The following DLG5 variants were observed in gnomAD, a reference collection of about 807,000 sequenced individuals.
DLG5 encodes disks large homolog 5.
Under a neutral mutation model 189.8 loss-of-function variants are expected in DLG5, and 48 were observed. The ratio of observed to expected loss-of-function variants is 0.25; its 90% CI spans 0.20 to 0.32. The LOEUF (loss-of-function observed/expected upper bound fraction) is 0.32. Ranked by LOEUF, DLG5 falls within the 10% of genes least tolerant of loss-of-function variation. DLG5 has a pLI of 1.00. For missense variants in DLG5, 2,160 were observed against 2,544.7 expected, an observed-to-expected ratio of 0.85 and a Z score of 3.25; for synonymous variants, 1,016 against 1,054.1, an observed-to-expected ratio of 0.96 and a Z score of 0.70.
At chr10:77,894,329 A>C (rs1845695856) in intron 1 of DLG5, among the ~76,000 whole-genome samples, 2 of 152,092 alleles carry the variant, frequency 1.3e-5, no homozygotes, top group South Asian at 2.1e-4. Flanking sequence ...CTTGCCCCTA[A>C]AACAGGGGTA....
chr10:77,819,112 C>T (rs781145186), intron 17 of DLG5, among the ~76,000 whole-genome samples: 22 of 152,220 alleles, frequency 1.4e-4, no homozygotes, highest in Non-Finnish European at 2.8e-4. Flanking sequence ...CTATCACTAT[C>T]GTGTCCTTCC....
At chr10:77,847,900 T>C (rs1843773448) in intron 5 of DLG5, among the ~76,000 whole-genome samples, 1 of 151,650 alleles carries the variant, frequency 6.6e-6, no homozygotes, top group Non-Finnish European at 1.5e-5. Context: ...GAGATGGGGG[T>C]CTCACTATGT....
rs186415462 is a variant in DLG5 at position 77,893,515 on chromosome 10, C to T, written c.305-24318G>A. On this transcript the variant is annotated intron_variant, in intron 1 of 31. Transcript: ENST00000372391. ...CTGCCAGGCCAAGGGGTTGGGGGCA[C>T]GGCAAAGGGCTCCAGGAGTCCCTGC... Among the ~76,000 whole-genome samples the T allele has an allele frequency of 2.7e-3, 409 of 152,314 alleles. 5 individuals carry two copies. The highest frequency in any genetic ancestry group is 9.5e-3 in the African/African-American group (395 of 41,562).
chr10:77,847,677 C>T (rs965539767), intron 5 of DLG5, among the ~76,000 whole-genome samples: 1 of 152,202 alleles, frequency 6.6e-6, no homozygotes, highest in South Asian at 2.1e-4. Flanking sequence ...CACACACACA[C>T]ACACACCTAA....
chr10:77,838,030 T>C (rs2154576181), intron 7 of DLG5, among the ~76,000 whole-genome samples: 1 of 152,302 alleles, frequency 6.6e-6, no homozygotes, highest in South Asian at 2.1e-4. Context: ...GGCACCTCCC[T>C]CTGCTTCCTG....
Position 77,821,220 on chromosome 10 carries a change from C to G in DLG5, c.3264G>C (p.Leu1088=), listed in dbSNP as rs775584026. ...YPEGDGDSSH[L]PAKKSCDEDL... The stretch of plus-strand genomic sequence containing the variant: ...CCTCATCACAGGATTTCTTGGCCGG[C>G]AGGTGGGAGGAGTCCCCATCTCCTT... Residue 1088 remains leucine, a synonymous_variant, in exon 15 of 32, where the codon CTG becomes CTC. Transcript: ENST00000372391. The G allele has an allele frequency of 8.1e-6, 13 of 1,614,036 alleles. No homozygotes were observed. The highest frequency in any genetic ancestry group is 1.1e-5 in the Non-Finnish European group (13 of 1,180,046).
In DLG5 at chr10:77,794,853, T is replaced by C; in HGVS notation, c.5542A>G (p.Ile1848Val). Residue 1848 changes from isoleucine to valine, a missense_variant, in exon 30 of 32, where the codon ATC becomes GTC. Ile to Val is a conservative substitution (Grantham distance 29, BLOSUM62 3). Coordinates refer to ENST00000372391, the MANE Select transcript of DLG5 (RefSeq NM_004747.4). ...IFIHYKSAKH[I>V]KEQRDPIYLR... ...CCCAGGGGGCCAGTTACCTACTTGA[T>C]GTGCTTGGCGCTCTTGTAGTGGATG... 1 of 1,613,864 alleles carries C rather than the reference T, an allele frequency of 6.2e-7. No homozygotes were observed. The highest frequency in any genetic ancestry group is 8.5e-7 in the Non-Finnish European group (1 of 1,179,846).
At chr10:77,843,895 T>C (rs75153517) in intron 5 of DLG5, among the ~76,000 whole-genome samples, 189 bp from the exon 6 acceptor site, 2,195 of 152,216 alleles carry the variant, frequency 0.014, 33 homozygotes, top group Non-Finnish European at 0.02. Context: ...GGCTGATTCA[T>C]TTAGATTCAC....
rs762111903 is a variant in DLG5 at position 77,822,116 on chromosome 10, C to T, written c.2383-15G>A. ...TGAGGGAATACCTAGGCAGGGATTG[C>T]AGAGGAGTGAGAGAGAGAGTGAGAT... is the stretch of plus-strand genomic sequence containing the variant. On this transcript the variant is annotated splice_polypyrimidine_tract_variant and intron_variant, in intron 14 of 31. Transcript: ENST00000372391. 6.2e-7 allele frequency: 1 copy of T among 1,601,372 alleles called. No homozygotes were observed. The highest frequency in any genetic ancestry group is 1.7e-5 in the Admixed American group (1 of 59,028).
At chr10:77,868,167 T>C (rs1421164067) in intron 2 of DLG5, 1 of 448,062 alleles carries the variant, frequency 2.2e-6, no homozygotes, top group East Asian at 7.0e-5. Flanking sequence ...GTAAGCCACC[T>C]GGTCTGCGGC....
rs915670929 is a variant in DLG5 at position 77,869,026 on chromosome 10, C to G, written c.373+103G>C. The G allele has an allele frequency of 5.5e-6, 5 of 908,978 alleles. No homozygotes were observed. In the Admixed American group the frequency reaches 1.1e-4, roughly 20 times the overall value. 56.3% of individuals were successfully genotyped at this position (908,978 alleles called of 1,614,324 possible). ...ACGGAAGGATGATCCTGTGAGTAAT[C>G]TGACAAGGGAGAACCAGCTTCCTCT... On this transcript the variant is annotated intron_variant, in intron 2 of 31. Coordinates refer to ENST00000372391, the MANE Select transcript of DLG5 (RefSeq NM_004747.4).
At chr10:77,929,281 A>G (rs1018366149), upstream of DLG5, 1 of 152,066 alleles carries the variant, frequency 6.6e-6, no homozygotes, top group African/African-American at 2.4e-5. Context: ...GGCTCAAGTT[A>G]TCCTCCCGCC....
rs752517139 is a variant in DLG5 at position 77,843,487 on chromosome 10, C to T, written c.1084G>A (p.Ala362Thr). ...GCGCACTGGTGCTGCAGCTGGATGG[C>T]CGTGTCCCTCTGCTGGGTCAGCATC... Reference protein sequence around the residue: ...TEMLTQQRDTAIQLQHQCALS... With the variant: ...TEMLTQQRDTTIQLQHQCALS... Residue 362 changes from alanine (A) to threonine (T), a missense_variant, in exon 6 of 32, where the codon GCC (alanine) becomes ACC (threonine). Ala to Thr is a moderately conservative substitution (Grantham distance 58). Coordinates refer to ENST00000372391, the MANE Select transcript of DLG5 (RefSeq NM_004747.4). 5.0e-6 allele frequency: 8 copies of T among 1,614,122 alleles called. No individual in the cohort carries two copies. The highest frequency in any genetic ancestry group is 6.8e-6 in the Non-Finnish European group (8 of 1,180,050).
rs1840711222 is a variant in DLG5 at position 77,792,949 on chromosome 10, C to T, written c.5657-406G>A. 4 of 239,670 alleles carry T rather than the reference C, an allele frequency of 1.7e-5. No individual in the cohort carries two copies. The South Asian group carries it at 2.4e-4, about 15-fold the overall frequency. The allele number at this position is 239,670 out of a possible 1,614,324, so 14.8% of individuals were successfully genotyped here. A position where few individuals can be genotyped will look rare whatever the true frequency, so the allele number is the denominator to read the frequency against. ...AGAAAGATGATGGCGCCAACTTGGG[C>T]CAGCCCTGTACTATAGGAGTTTGAC... On this transcript the variant is annotated intron_variant, in intron 31 of 31. Coordinates refer to ENST00000372391, the MANE Select transcript of DLG5 (RefSeq NM_004747.4).
rs34954112 is a variant in DLG5 at position 77,926,038 on chromosome 10, G to C, written c.304+179C>G. The stretch of plus-strand genomic sequence containing the variant: ...ATTGTTCACAGCGAACGGCGGGACT[G>C]GGGGAGGCGGCGGGACTTCGGGATC... On this transcript the variant is annotated intron_variant, in intron 1 of 31. Coordinates refer to ENST00000372391, the MANE Select transcript of DLG5 (RefSeq NM_004747.4). This position sits in a 1 kb window ranked among gnomAD's most constrained non-coding sequence, Gnocchi z 5.2. Among the ~76,000 whole-genome samples the C allele has an allele frequency of 1.8e-4, 28 of 152,084 alleles. No homozygotes were observed. The highest frequency in any genetic ancestry group is 1.5e-4 in the Non-Finnish European group (10 of 67,954).
intron 5 of DLG5, among the ~76,000 whole-genome samples, chr10:77,850,847 T>C (rs1272013): frequency 0.75 from 114,076 of 152,258 alleles, 43,854 homozygotes; most frequent in African/African-American, 0.93. Context: ...GCCAACCTCG[T>C]GCTTTCTAGC....
At chr10:77,824,572 T>C (rs577678389) in intron 13 of DLG5, 96 bp from the exon 14 acceptor site, 7 of 963,392 alleles carry the variant, frequency 7.3e-6, no homozygotes, top group Non-Finnish European at 1.1e-5. Context: ...TGCTAGACAG[T>C]CACCAAATGC....
chr10:77,821,804 A>C lies in DLG5; in HGVS notation c.2680T>G (p.Ser894Ala), dbSNP rs1236417539. The C allele has an allele frequency of 6.2e-7, 1 of 1,612,570 alleles. No individual in the cohort carries two copies. Among genetic ancestry groups the C allele is most frequent in the Admixed American group, 1.7e-5 (1 of 59,662 alleles). ...TCCCCAGAGGCATCTGAGCGGAAGG[A>C]GCTCAGGCTACGCTCAGAGGCACTG... Reference protein sequence around the residue: ...CPSASERSLSSFRSDASGDRG... With the variant: ...CPSASERSLSAFRSDASGDRG... Residue 894 changes from serine (S) to alanine (A), a missense_variant, in exon 15 of 32, where the codon TCC (serine) becomes GCC (alanine). By Grantham distance (99) the Ser-to-Ala change is moderately conservative. Coordinates refer to ENST00000372391, the MANE Select transcript of DLG5 (RefSeq NM_004747.4).
rs569965887 is a variant in DLG5 at position 77,853,022 on chromosome 10, G to A, written c.864+332C>T. On this transcript the variant is annotated intron_variant, in intron 5 of 31. Transcript: ENST00000372391. ...ATCAGAGACAGCGTCTCACTCCTTC[G>A]CCCAAGCTGGGGTGCAGTGGCATGA... 4.6e-4 allele frequency among the ~76,000 whole-genome samples: 70 copies of A among 151,936 alleles called. 3 individuals are homozygous for A. In the South Asian group the frequency reaches 5.8e-3, roughly 13 times the overall value.
Sources: allele counts gnomAD v4.1 joint callset (sites outside exome capture counted in the v4.1 genomes callset), GRCh38; gene constraint gnomAD v4.1.1; non-coding constraint Gnocchi (gnomAD v3.1); transcripts MANE v1.5; gene names NCBI Gene and HGNC (gene_info 2026-07-23, HGNC 2026-07-21).